The following SF3A3 variants were observed in gnomAD, a reference collection of about 807,000 sequenced individuals.
SF3A3 encodes the protein splicing factor 3a subunit 3, also known as SAP 61.
A neutral mutation model predicts 85.8 loss-of-function variants in SF3A3; 9 were observed. The observed-to-expected ratio is 0.10, with a 90% CI of 0.06 to 0.18. SF3A3 has a LOEUF of 0.18. SF3A3 is among the 10% of genes least tolerant of loss of function. The pLI is 1.00. For missense variants in SF3A3, 306 were observed against 593.3 expected (o/e 0.52, Z 5.03); for synonymous variants, 195 against 204.4 (o/e 0.95, Z 0.39).
chr1:37,962,766 A>G (rs1646270732), intron 15 of SF3A3, among the ~76,000 whole-genome samples: 2 of 127,452 alleles, frequency 1.6e-5, no homozygotes, highest in African/African-American at 3.1e-5. Context: ...ATTTATAAGT[A>G]AAACCCTCTA....
In SF3A3 at chr1:37,974,157, C is replaced by T. The variant is rs542678768; in HGVS notation, c.1005+2727G>A. On this transcript the variant is annotated intron_variant, in intron 12 of 16. Coordinates refer to ENST00000373019, the MANE Select transcript of SF3A3 (RefSeq NM_006802.4). ...ATGACGAGTTAACGGGTGCAGCACA[C>T]CAACATGGCACATGTACACATATGT... is the stretch of plus-strand genomic sequence containing the variant. Among the ~76,000 whole-genome samples the T allele has an allele frequency of 4.6e-5, 7 of 151,914 alleles. No homozygotes were observed. The South Asian group carries it at 1.5e-3, about 32-fold the overall frequency.
At chr1:37,985,520 A>G (rs1002212901) in intron 4 of SF3A3, among the ~76,000 whole-genome samples, 2 of 152,230 alleles carry the variant, frequency 1.3e-5, no homozygotes, top group African/African-American at 2.4e-5. Flanking sequence ...AAAGTTTGGA[A>G]AACAGTGCTC....
intron 6 of SF3A3, among the ~76,000 whole-genome samples, chr1:37,982,357 T>G (rs745938649): frequency 2.0e-5 from 3 of 151,668 alleles, no homozygotes; most frequent in Non-Finnish European, 4.4e-5. Flanking sequence ...TTAAACCTCA[T>G]CTCTTGTGAT....
At chr1:37,964,664 C>T (rs1011429686) in intron 15 of SF3A3, among the ~76,000 whole-genome samples, 1 of 152,032 alleles carries the variant, frequency 6.6e-6, no homozygotes, top group Non-Finnish European at 1.5e-5. Flanking sequence ...AAGAAAAAGG[C>T]TGCCATGAAA....
chr1:37,965,302 CAAAAA>C (rs55747818), intron 15 of SF3A3, among the ~76,000 whole-genome samples: 1 of 100,422 alleles, frequency 1.0e-5, no homozygotes, highest in Non-Finnish European at 1.9e-5. Context: ...CCCATCGGCA[CAAAAA>C]AAAAAAAAAA....
At chr1:37,967,239 G>C (rs1646308056) in intron 15 of SF3A3, among the ~76,000 whole-genome samples, 1 of 145,550 alleles carries the variant, frequency 6.9e-6, no homozygotes, top group Non-Finnish European at 1.5e-5. Context: ...TGGTGACAGA[G>C]TGAGACTCGT....
rs760972269 is a variant in SF3A3, at chr1:37,980,841, CTTTTTTTTTTTTTTTT to C, written c.552-133_552-118del. The C allele has an allele frequency of 1.4e-4, 13 of 95,412 alleles. No homozygotes were observed. The South Asian group carries it at 4.1e-3, about 30-fold the overall frequency. 5.9% of individuals were successfully genotyped at this position (95,412 alleles called of 1,614,324 possible). On this transcript the variant is annotated intron_variant, in intron 7 of 16. Coordinates refer to ENST00000373019, the MANE Select transcript of SF3A3 (RefSeq NM_006802.4). ...CTAGTAATGCTATCTTTTTAATACT[CTTTTTTTTTTTTTTTT>C]TTTTTTTTTGAGGCAGAGTTTCGCT...
intron 10 of SF3A3, 73 bp downstream of exon 10, chr1:37,978,915 G>C: frequency 6.5e-7 from 1 of 1,549,806 alleles, no homozygotes; most frequent in Non-Finnish European, 8.9e-7. Flanking sequence ...AAAAAAAATG[G>C]AATCAGAGCT....
intron 15 of SF3A3, among the ~76,000 whole-genome samples, chr1:37,963,841 C>A (rs1319500776): frequency 7.5e-6 from 1 of 132,876 alleles, no homozygotes; most frequent in African/African-American, 2.9e-5. Context: ...CAGGCGTGAG[C>A]CATTGCGCCT....
chr1:37,984,867 G>T, intron 4 of SF3A3, 88 bp from the exon 5 acceptor site: 1 of 1,089,528 alleles, frequency 9.2e-7, no homozygotes, highest in Non-Finnish European at 1.4e-6. Flanking sequence ...GAGTGCACTG[G>T]CACAATCTTG....
intron 15 of SF3A3, among the ~76,000 whole-genome samples, chr1:37,965,616 T>C (rs1427632733): frequency 6.6e-6 from 1 of 151,828 alleles, no homozygotes; most frequent in East Asian, 1.9e-4. Flanking sequence ...TAGCCAGGCA[T>C]GGTGGCACAA....
chr1:37,988,400 T>A (rs1386755930), intron 2 of SF3A3, among the ~76,000 whole-genome samples: 2 of 152,170 alleles, frequency 1.3e-5, no homozygotes, highest in Admixed American at 6.6e-5. Context: ...TTATGTAACA[T>A]CCCTAGTGGA....
chr1:37,974,916 T>C (rs1646369549), intron 12 of SF3A3, among the ~76,000 whole-genome samples: 1 of 152,200 alleles, frequency 6.6e-6, no homozygotes, highest in Non-Finnish European at 1.5e-5. Flanking sequence ...TACCAGAAAC[T>C]TTTTCTTCTC....
In SF3A3 at chr1:37,989,666, G is replaced by A. The variant is rs1043111618; in HGVS notation, c.97-71C>T. On this transcript the variant is annotated intron_variant, in intron 1 of 16. Transcript: ENST00000373019. ...GAGTAGAAAAGGCCGCCCGAGGGCG[G>A]AGCTTACCCGCTCAGCTTTTACCAG... The A allele has an allele frequency of 3.3e-5, 51 of 1,555,404 alleles. 1 individual carries two copies. Among genetic ancestry groups the A allele is most frequent in the Non-Finnish European group, 4.4e-5 (50 of 1,141,136 alleles).
rs572657727 is a variant in SF3A3, at chr1:37,978,098, G to C, written c.935+622C>G. ...CGCGCCTATAATCGCAGCACTTTGG[G>C]AGGCCAAGGCAGGTGGATCACTTAA... is the stretch of plus-strand genomic sequence containing the variant. On this transcript the variant is annotated intron_variant, in intron 11 of 16. Coordinates refer to ENST00000373019, the MANE Select transcript of SF3A3 (RefSeq NM_006802.4). Among the ~76,000 whole-genome samples the C allele has an allele frequency of 5.9e-5, 9 of 152,178 alleles. No homozygotes were observed. In the South Asian group the frequency reaches 1.9e-3, roughly 32 times the overall value.
chr1:37,982,388 G>C (rs1219265459), intron 6 of SF3A3, among the ~76,000 whole-genome samples: 2 of 120,054 alleles, frequency 1.7e-5, no homozygotes, highest in Non-Finnish European at 3.6e-5. Context: ...TTTTTTTTTT[G>C]AGACGGAGTT....
chr1:37,962,323 G>C (rs1646266509), intron 15 of SF3A3, among the ~76,000 whole-genome samples: 1 of 127,798 alleles, frequency 7.8e-6, no homozygotes, highest in Non-Finnish European at 1.6e-5. Context: ...AAAAAAAAAG[G>C]CTGGGCGCGG....
At chr1:37,982,372 TA>T (rs1230567603) in intron 6 of SF3A3, among the ~76,000 whole-genome samples, 3 of 145,032 alleles carry the variant, frequency 2.1e-5, no homozygotes, top group African/African-American at 7.4e-5. Context: ...TGTGATAAGC[TA>T]TTTTTTTTTT....
chr1:37,966,537 A>G (rs760363232), intron 15 of SF3A3, among the ~76,000 whole-genome samples: 2 of 152,172 alleles, frequency 1.3e-5, no homozygotes, highest in Non-Finnish European at 2.9e-5. Flanking sequence ...ATCTTGCATA[A>G]AAGGGAGTTC....
Sources: allele counts gnomAD v4.1 joint callset (sites outside exome capture counted in the v4.1 genomes callset), GRCh38; gene constraint gnomAD v4.1.1; transcripts MANE v1.5; gene names NCBI Gene and HGNC (gene_info 2026-07-23, HGNC 2026-07-21).